DLGAP1: variants seen among roughly 807,000 people sequenced by gnomAD.
DLGAP1 encodes disks large-associated protein 1.
DLGAP1 carries 11 observed loss-of-function variants against 90.8 expected under a neutral mutation model. That is an observed-to-expected ratio of 0.12 (90% confidence interval 0.08 to 0.20). The LOEUF (loss-of-function observed/expected upper bound fraction) is 0.20. Ranked by LOEUF, DLGAP1 falls within the 10% of genes least tolerant of loss-of-function variation. The pLI is 1.00. For missense variants in DLGAP1, 1,050 were observed against 1,333.8 expected (o/e 0.79, Z 3.31); for synonymous variants, 558 against 540.7 (o/e 1.03, Z -0.44).
At chr18:3,734,570 G>C (rs1471224541) in intron 6 of DLGAP1, among the ~76,000 whole-genome samples, 2 of 152,000 alleles carry the variant, frequency 1.3e-5, no homozygotes, top group Non-Finnish European at 2.9e-5. Flanking sequence ...TTCTCAACAT[G>C]GTCACCAGAA....
At chr18:3,856,441 A>T (rs1490599753) in intron 4 of DLGAP1, among the ~76,000 whole-genome samples, 1 of 152,192 alleles carries the variant, frequency 6.6e-6, no homozygotes, top group Non-Finnish European at 1.5e-5. Flanking sequence ...TGATTGCTAA[A>T]ATTAAACTTA....
At chr18:3,583,167 TACCTAC>T (rs2055641439) in intron 7 of DLGAP1, among the ~76,000 whole-genome samples, 3 of 110,994 alleles carry the variant, frequency 2.7e-5, no homozygotes, top group African/African-American at 8.6e-5. Context: ...CCTACCTACC[TACCTAC>T]CTACCTACCT....
Position 4,049,794 on chromosome 18 carries a change from G to T in DLGAP1, c.-158-44593C>A, listed in dbSNP as rs187410721. Reference sequence around the variant, plus strand: ...CTTGACTATCATCATAATTGCCTCTGGGATTTTCCACCCTTCCATCTTTCC... The same window carrying T: ...CTTGACTATCATCATAATTGCCTCTTGGATTTTCCACCCTTCCATCTTTCC... On this transcript the variant is annotated intron_variant, in intron 2 of 12. Transcript: ENST00000315677. Among the ~76,000 whole-genome samples the T allele has an allele frequency of 2.2e-3, 339 of 152,074 alleles. 1 individual carries two copies. The highest frequency in any genetic ancestry group is 7.4e-3 in the African/African-American group (309 of 41,494).
intron 7 of DLGAP1, among the ~76,000 whole-genome samples, chr18:3,710,725 T>C (rs945726094): frequency 6.6e-6 from 1 of 152,148 alleles, no homozygotes; most frequent in South Asian, 2.1e-4. Context: ...GAAGAAAAAG[T>C]AAGCATTGCA....
At chr18:3,580,787 G>C (rs1275256590) in intron 8 of DLGAP1, 1 of 1,605,302 alleles carries the variant, frequency 6.2e-7, no homozygotes. Context: ...TGCATGGTCA[G>C]GGGTGGTGCC....
At chr18:4,144,563 A>G (rs776270078) in intron 2 of DLGAP1, among the ~76,000 whole-genome samples, 40 of 152,196 alleles carry the variant, frequency 2.6e-4, no homozygotes, top group Non-Finnish European at 1.0e-4. Flanking sequence ...AACACCAGGT[A>G]CTGTGACCAC....
intron 2 of DLGAP1, among the ~76,000 whole-genome samples, chr18:4,023,126 C>T (rs1333379508): frequency 6.6e-6 from 1 of 152,174 alleles, no homozygotes; most frequent in African/African-American, 2.4e-5. Flanking sequence ...TATAGACTGA[C>T]ACTTTATCAA....
intron 1 of DLGAP1, among the ~76,000 whole-genome samples, chr18:4,205,776 T>C (rs190162509): frequency 7.2e-5 from 11 of 152,342 alleles, no homozygotes; most frequent in African/African-American, 2.4e-4. Context: ...ACAGAGAATG[T>C]TTCCATTTCA....
intron 2 of DLGAP1, among the ~76,000 whole-genome samples, chr18:4,144,225 T>C (rs1304391042): frequency 2.0e-5 from 3 of 152,166 alleles, no homozygotes; most frequent in East Asian, 1.9e-4. Context: ...TTTAAGTTTA[T>C]TTAGAACCCC....
chr18:4,338,325 A>G lies in DLGAP1; in HGVS notation c.-267+116681T>C, dbSNP rs764691022. ...ATTGTTGTCAGTTTTGTTTATTGAG[A>G]TATTTCCAAAATCCAGAAAGGTGCT... On this transcript the variant is annotated intron_variant, in intron 1 of 12. Coordinates refer to ENST00000315677, the MANE Select transcript of DLGAP1 (RefSeq NM_004746.4). 6.4e-4 allele frequency among the ~76,000 whole-genome samples: 98 copies of G among 152,188 alleles called. 2 individuals are homozygous for G. Among genetic ancestry groups the G allele is most frequent in the Non-Finnish European group, 3.5e-4 (24 of 68,028 alleles).
chr18:3,876,449 T>A (rs1371897893), intron 4 of DLGAP1, among the ~76,000 whole-genome samples: 1 of 152,228 alleles, frequency 6.6e-6, no homozygotes, highest in Non-Finnish European at 1.5e-5. Flanking sequence ...ACATTCAATA[T>A]CTATTAATAA....
intron 1 of DLGAP1, among the ~76,000 whole-genome samples, chr18:4,215,643 T>C (rs1490705158): frequency 1.3e-5 from 2 of 152,112 alleles, no homozygotes; most frequent in Admixed American, 6.6e-5. Context: ...TTAAAACAGA[T>C]GGGTTCATTT....
At chr18:3,743,650 G>T (rs949472736) in intron 5 of DLGAP1, among the ~76,000 whole-genome samples, 1 of 148,568 alleles carries the variant, frequency 6.7e-6, no homozygotes, top group African/African-American at 2.5e-5. Flanking sequence ...CACCGCGCCC[G>T]GCCTTTATTT....
rs1256398478 is a variant in DLGAP1 at position 3,997,104 on chromosome 18, C to G, written c.-73+8012G>C. Reference sequence around the variant, plus strand: ...TTAATATTTTATATTTGCATCCATGCCTTCGAGAAACCTTTCCCACGGGAA... The same window carrying G: ...TTAATATTTTATATTTGCATCCATGGCTTCGAGAAACCTTTCCCACGGGAA... On this transcript the variant is annotated intron_variant, in intron 3 of 12. Coordinates refer to ENST00000315677, the MANE Select transcript of DLGAP1 (RefSeq NM_004746.4). 6.4e-5 allele frequency among the ~76,000 whole-genome samples: 3 copies of G among 47,042 alleles called. 1 individual carries two copies. Among genetic ancestry groups the G allele is most frequent in the Admixed American group, 5.1e-4 (2 of 3,910 alleles). The allele number at this position is 47,042 out of a possible 152,430, so 30.9% of individuals were successfully genotyped here.
At chr18:4,300,690 C>G (rs1205532204) in intron 1 of DLGAP1, among the ~76,000 whole-genome samples, 1 of 152,076 alleles carries the variant, frequency 6.6e-6, no homozygotes, top group Non-Finnish European at 1.5e-5. Context: ...GTCTTTTTCA[C>G]GATTTTATGT....
rs111874952 is a variant in DLGAP1 at position 4,115,341 on chromosome 18, T to C, written c.-159+35839A>G. 5.4e-4 allele frequency among the ~76,000 whole-genome samples: 82 copies of C among 152,232 alleles called. 1 individual carries two copies. Among genetic ancestry groups the C allele is most frequent in the African/African-American group, 1.9e-3 (80 of 41,556 alleles). On this transcript the variant is annotated intron_variant, in intron 2 of 12. Transcript: ENST00000315677. ...ATAATTTTACATAATCTTATGTTTT[T>C]TTTTTTTTAACAAAACTGAGAAAAG...
chr18:3,619,312 G>A (rs999500114), intron 7 of DLGAP1, among the ~76,000 whole-genome samples: 2 of 152,206 alleles, frequency 1.3e-5, no homozygotes, highest in African/African-American at 4.8e-5. Flanking sequence ...ACATGCAAGA[G>A]TCTAGCCTTT....
intron 1 of DLGAP1, among the ~76,000 whole-genome samples, chr18:4,420,506 TTC>T (rs756578233): frequency 2.0e-5 from 3 of 152,116 alleles, no homozygotes; most frequent in Non-Finnish European, 4.4e-5. Flanking sequence ...CTACTTATAG[TTC>T]TCTCTCTCTT....
chr18:3,716,725 T>G (rs2061774331), intron 7 of DLGAP1, among the ~76,000 whole-genome samples: 1 of 152,166 alleles, frequency 6.6e-6, no homozygotes, highest in Non-Finnish European at 1.5e-5. Context: ...CTGAGTTATG[T>G]GTGTATGTAC....
Sources: allele counts gnomAD v4.1 joint callset (sites outside exome capture counted in the v4.1 genomes callset), GRCh38; gene constraint gnomAD v4.1.1; transcripts MANE v1.5; gene names NCBI Gene and HGNC (gene_info 2026-07-23, HGNC 2026-07-21).